Variants in PTBP2 observed in about 807,000 individuals in gnomAD.
The protein encoded by PTBP2 is polypyrimidine tract binding protein 2, also known as polypyrimidine tract-binding protein 2.
PTBP2 carries 13 observed loss-of-function variants against 61.4 expected under a neutral mutation model. The ratio of observed to expected loss-of-function variants is 0.21; its 90% CI spans 0.14 to 0.34. The LOEUF is 0.34. Among genes scored for constraint, PTBP2 ranks in the 10% least tolerant of loss-of-function variants. The pLI is 1.00. For missense variants in PTBP2, 405 were observed against 642.6 expected (o/e 0.63, Z 4.00); for synonymous variants, 215 against 218.5 (o/e 0.98, Z 0.14).
At chr1:96,819,493 C>T (rs1365192457), downstream of PTBP2, 1 of 151,880 alleles carries the variant, frequency 6.6e-6, no homozygotes, top group Non-Finnish European at 1.5e-5. Flanking sequence ...CTGTTTATTT[C>T]TCTGTTTTTC....
intron 8 of PTBP2, among the ~76,000 whole-genome samples, chr1:96,798,399 C>G (rs1022763218): frequency 6.6e-6 from 1 of 152,134 alleles, no homozygotes; most frequent in African/African-American, 2.4e-5. Flanking sequence ...GAGTGAAACT[C>G]CATCTCAAAA....
Position 96,762,776 on chromosome 1 carries a change from C to G in PTBP2, c.116-6927C>G, listed in dbSNP as rs1198341287. 1.2e-4 allele frequency among the ~76,000 whole-genome samples: 19 copies of G among 152,068 alleles called. 1 individual carries two copies. The highest frequency in any genetic ancestry group is 4.4e-5 in the Non-Finnish European group (3 of 67,992). On this transcript the variant is annotated intron_variant, in intron 3 of 13. Transcript: ENST00000674951. Reference sequence around the variant, plus strand: ...TGCCGGGCGGAGACGCTCCTCACTTCCCAGACGGCGTGGCTGCCGGGCGGA... The same window carrying G: ...TGCCGGGCGGAGACGCTCCTCACTTGCCAGACGGCGTGGCTGCCGGGCGGA...
At chr1:96,745,740 A>G (rs1653667760) in intron 2 of PTBP2, among the ~76,000 whole-genome samples, 2 of 151,886 alleles carry the variant, frequency 1.3e-5, no homozygotes, top group Non-Finnish European at 2.9e-5. Flanking sequence ...CTTTTATTGG[A>G]CATTTGGGTT....
intron 1 of PTBP2, among the ~76,000 whole-genome samples, chr1:96,723,300 G>A (rs548788509): frequency 1.0e-3 from 152 of 152,296 alleles, no homozygotes; most frequent in African/African-American, 3.4e-3. Flanking sequence ...ATGGCATAGT[G>A]TTTTGGGTTT....
intron 5 of PTBP2, among the ~76,000 whole-genome samples, chr1:96,772,593 C>G (rs1051640577): frequency 1.3e-5 from 2 of 152,138 alleles, no homozygotes; most frequent in African/African-American, 4.8e-5. Context: ...CCCCCAGCCT[C>G]TGGTGACTAT....
At chr1:96,780,907 T>C (rs1433187673) in intron 7 of PTBP2, among the ~76,000 whole-genome samples, 1 of 152,040 alleles carries the variant, frequency 6.6e-6, no homozygotes, top group African/African-American at 2.4e-5. Context: ...AACATGGTAT[T>C]TTTCCCTTTC....
At chr1:96,788,283 A>G (rs1659423232) in intron 8 of PTBP2, among the ~76,000 whole-genome samples, 1 of 152,058 alleles carries the variant, frequency 6.6e-6, no homozygotes, top group Non-Finnish European at 1.5e-5. Context: ...TTATTCACTT[A>G]TGTTAGGTCA....
chr1:96,751,235 A>G (rs1654499318), intron 2 of PTBP2, 190 bp from the exon 3 acceptor site: 9 of 671,290 alleles, frequency 1.3e-5, no homozygotes, highest in Non-Finnish European at 2.5e-5. Context: ...GGAAGGGAAC[A>G]CTGTTGCCTT....
rs866349917 is a variant in PTBP2 at position 96,726,455 on chromosome 1, C to T, written c.39+2861C>T. On this transcript the variant is annotated intron_variant, in intron 2 of 13. Transcript: ENST00000674951. ...GCCAGACTAATTTTTTTTTTTTTTT[C>T]GAGACGGAGTCTCGCCCGGTCTCCC... Among the ~76,000 whole-genome samples, 181 of 134,252 alleles carry T rather than the reference C, an allele frequency of 1.3e-3. No homozygotes were observed. In the Middle Eastern group the frequency reaches 0.018, roughly 13 times the overall value. 88.1% of individuals were successfully genotyped at this position (134,252 alleles called of 152,430 possible).
intron 2 of PTBP2, among the ~76,000 whole-genome samples, chr1:96,729,214 G>T (rs1281228627): frequency 6.6e-6 from 1 of 152,086 alleles, no homozygotes; most frequent in Non-Finnish European, 1.5e-5. Context: ...TTGAGGCAGG[G>T]TTTCACCATG....
intron 8 of PTBP2, among the ~76,000 whole-genome samples, chr1:96,798,141 C>T (rs1250327254): frequency 6.6e-6 from 1 of 151,368 alleles, no homozygotes. Flanking sequence ...TAATCCCAGT[C>T]ATGCCTGTAA....
chr1:96,782,821 G>A (rs933716673), intron 7 of PTBP2, among the ~76,000 whole-genome samples: 1 of 151,912 alleles, frequency 6.6e-6, no homozygotes, highest in African/African-American at 2.4e-5. Flanking sequence ...GGCTTTTCAT[G>A]TTTTCAGTCC....
At chr1:96,783,322 C>G (rs1449397754) in intron 7 of PTBP2, among the ~76,000 whole-genome samples, 1 of 151,924 alleles carries the variant, frequency 6.6e-6, no homozygotes, top group Non-Finnish European at 1.5e-5. Context: ...TTCTCTAGCT[C>G]TTGTACCTTA....
exon 14 of PTBP2, chr1:96,822,546 T>C (rs774009069): frequency 6.6e-6 from 1 of 152,236 alleles, no homozygotes; most frequent in Non-Finnish European, 1.5e-5. Context: ...ATGACAAATC[T>C]AGTGAATTTA....
exon 14 of PTBP2, chr1:96,820,177 A>G (rs1662637097): frequency 6.6e-6 from 1 of 151,856 alleles, no homozygotes; most frequent in Admixed American, 6.6e-5. Flanking sequence ...GTTCCATTCC[A>G]TTAGTAGTTT....
chr1:96,787,017 T>C (rs547007611), intron 8 of PTBP2, among the ~76,000 whole-genome samples: 119 of 152,106 alleles, frequency 7.8e-4, no homozygotes, highest in Non-Finnish European at 1.4e-3. Context: ...AAAACAATAA[T>C]AAAGTCATTT....
At position 96,721,800 on chromosome 1, in the gene PTBP2, C is replaced by G; in HGVS notation, c.-65C>G. The G allele has an allele frequency of 6.5e-7, 1 of 1,549,848 alleles. No homozygotes were observed. The highest frequency in any genetic ancestry group is 8.7e-7 in the Non-Finnish European group (1 of 1,145,634). ...TCGGGCCCCAGCCGCCATTTTCTCG[C>G]CGCTTGTGTGGCTCGCTGGCTGCGT... is the stretch of plus-strand genomic sequence containing the variant. On this transcript the variant is annotated 5_prime_UTR_variant, in exon 1 of 14. Transcript: ENST00000674951.
chr1:96,769,727 T>C lies in PTBP2; in HGVS notation c.140T>C (p.Phe47Ser). ...VTANGNDSKKFKGEDKMDGAP... is the reference protein window; with the variant it reads ...VTANGNDSKKSKGEDKMDGAP... ...GCCAATGGTAATGATAGTAAAAAAT[T>C]TAAAGGAGAAGATAAAATGGATGGT... The change falls in exon 4 of 14, where the codon TTT (phenylalanine) becomes TCT (serine). Residue 47 changes from phenylalanine to serine, a missense_variant. This residue lies in a region of PTBP2 where 342 missense variants were observed against 491.2 expected (regional missense o/e 0.70). Coordinates refer to ENST00000674951, the MANE Select transcript of PTBP2 (RefSeq NM_021190.4). 1 of 1,601,166 alleles carries C rather than the reference T, an allele frequency of 6.2e-7. No individual in the cohort carries two copies. The highest frequency in any genetic ancestry group is 8.5e-7 in the Non-Finnish European group (1 of 1,174,258).
chr1:96,759,625 A>C (rs1412118897), intron 3 of PTBP2, among the ~76,000 whole-genome samples: 5 of 152,216 alleles, frequency 3.3e-5, no homozygotes, highest in Non-Finnish European at 5.9e-5. Context: ...ACTTTGGGAT[A>C]AATGAAGATT....
Sources: gnomAD v4.1 joint callset for allele counts (sites outside exome capture counted in the v4.1 genomes callset) on GRCh38, gnomAD v4.1.1 for gene constraint, gnomAD v4.1.1 regional missense constraint, MANE v1.5 for transcripts, NCBI Gene and HGNC (gene_info 2026-07-23, HGNC 2026-07-21) for gene names.